VAV1: variants seen among roughly 807,000 people sequenced by gnomAD.
VAV1 encodes vav guanine nucleotide exchange factor 1, also known as proto-oncogene vav.
Under a neutral mutation model 128.1 loss-of-function variants are expected in VAV1, and 33 were observed. The ratio of observed to expected loss-of-function variants is 0.26; its 90% CI spans 0.20 to 0.34. The LOEUF (loss-of-function observed/expected upper bound fraction) is 0.34, where lower values mean the gene tolerates loss of function less well. Ranked by LOEUF, VAV1 falls within the 10% of genes least tolerant of loss-of-function variation. The probability of loss-of-function intolerance (pLI) is 1.00; values close to 1 mark genes in which losing one functional copy is unlikely to be tolerated. For missense variants in VAV1, 715 were observed against 1,093.7 expected (o/e 0.65, Z 4.88); for synonymous variants, 394 against 409.8 (o/e 0.96, Z 0.47).
At chr19:6,787,432 C>A (rs1002263680) in intron 1 of VAV1, among the ~76,000 whole-genome samples, 4 of 152,060 alleles carry the variant, frequency 2.6e-5, no homozygotes, top group African/African-American at 9.7e-5. Context: ...CCGCCTTGGC[C>A]TCCAAAAATG....
intron 24 of VAV1, among the ~76,000 whole-genome samples, chr19:6,852,587 G>T (rs1267113673): frequency 6.6e-6 from 1 of 151,700 alleles, no homozygotes; most frequent in Non-Finnish European, 1.5e-5. Context: ...TGGGCGTAGT[G>T]GCGGGCGCCT....
At chr19:6,856,400 G>T (rs940087656) in intron 26 of VAV1, among the ~76,000 whole-genome samples, 1 of 151,822 alleles carries the variant, frequency 6.6e-6, no homozygotes, top group Non-Finnish European at 1.5e-5. Context: ...TGAATCAGAC[G>T]GTGATATGTG....
chr19:6,781,765 G>A (rs560367102), intron 1 of VAV1, among the ~76,000 whole-genome samples: 26 of 152,160 alleles, frequency 1.7e-4, no homozygotes, highest in African/African-American at 6.0e-4. Flanking sequence ...GCGCCAAGAT[G>A]CCCAGCTAAT....
At chr19:6,805,897 G>T (rs1021926040) in intron 1 of VAV1, among the ~76,000 whole-genome samples, 1 of 152,052 alleles carries the variant, frequency 6.6e-6, no homozygotes, top group Non-Finnish European at 1.5e-5. Flanking sequence ...GGACTGCCCT[G>T]ATGGAAGTGT....
chr19:6,810,442 G>A (rs1971490646), intron 1 of VAV1, among the ~76,000 whole-genome samples: 1 of 152,178 alleles, frequency 6.6e-6, no homozygotes, highest in Admixed American at 6.5e-5. Context: ...AGTGGTTCAT[G>A]CCTTTAATCC....
At chr19:6,829,676 C>G in intron 13 of VAV1, 110 bp from the exon 14 acceptor site, 1 of 1,535,560 alleles carries the variant, frequency 6.5e-7, no homozygotes, top group Non-Finnish European at 8.8e-7. Flanking sequence ...CCAAGTTGGC[C>G]AAGGAGGAGG....
intron 1 of VAV1, among the ~76,000 whole-genome samples, chr19:6,797,570 A>G (rs1419744996): frequency 6.6e-6 from 1 of 150,580 alleles, no homozygotes; most frequent in African/African-American, 2.4e-5. Context: ...GGGCGTGGTG[A>G]CGCATGCCTG....
At chr19:6,840,430 C>T (rs571161929) in intron 21 of VAV1, among the ~76,000 whole-genome samples, 42 of 151,158 alleles carry the variant, frequency 2.8e-4, no homozygotes, top group African/African-American at 1.0e-3. Flanking sequence ...CTCAGCCTCC[C>T]GAGTAGCTGG....
At chr19:6,839,847 T>C (rs1455480555) in intron 21 of VAV1, among the ~76,000 whole-genome samples, 1 of 151,822 alleles carries the variant, frequency 6.6e-6, no homozygotes, top group Admixed American at 6.6e-5. Flanking sequence ...CATACCACCA[T>C]GCCTGGCTAA....
Position 6,777,085 on chromosome 19 carries a change from C to T in VAV1, c.204+4074C>T, listed in dbSNP as rs1383480345. Reference sequence around the variant, plus strand: ...TTCATCTATCTATCATCCACCTGCCCACCCACCCATCCATCCATCTACTCA... The same window carrying T: ...TTCATCTATCTATCATCCACCTGCCTACCCACCCATCCATCCATCTACTCA... On this transcript the variant is annotated intron_variant, in intron 1 of 26. Transcript: ENST00000602142. This position sits in a 1 kb window ranked among gnomAD's most constrained non-coding sequence, Gnocchi z 4.4. Among the ~76,000 whole-genome samples, 14 of 151,970 alleles carry T rather than the reference C, an allele frequency of 9.2e-5. No individual in the cohort carries two copies. The highest frequency in any genetic ancestry group is 9.2e-4 in the Admixed American group (14 of 15,242).
In VAV1 at chr19:6,833,970, T is replaced by G. The variant is rs1174257531; in HGVS notation, c.1777+17T>G. ...ATGAGCTGGGTGAGTTGGCAGGGGT[T>G]GCTGTGTGGGGGCAGGAGGAAAATT... On this transcript the variant is annotated intron_variant, in intron 19 of 26. Coordinates refer to ENST00000602142, the MANE Select transcript of VAV1 (RefSeq NM_005428.4). The G allele has an allele frequency of 6.2e-7, 1 of 1,614,012 alleles. No individual in the cohort carries two copies. The highest frequency in any genetic ancestry group is 2.2e-5 in the East Asian group (1 of 44,858).
At chr19:6,847,854 C>G (rs1051788150) in intron 22 of VAV1, 144 bp from the exon 23 acceptor site, 5 of 641,050 alleles carry the variant, frequency 7.8e-6, no homozygotes, top group Non-Finnish European at 1.2e-5. Context: ...CGGGGCCTAC[C>G]TTGGTGCTGA....
At chr19:6,812,038 T>C (rs573172491) in intron 1 of VAV1, among the ~76,000 whole-genome samples, 1 of 152,208 alleles carries the variant, frequency 6.6e-6, no homozygotes, top group Non-Finnish European at 1.5e-5. Context: ...AAAGTGATGC[T>C]TATGACAAAT....
intron 6 of VAV1, among the ~76,000 whole-genome samples, chr19:6,823,473 A>G (rs757767348): frequency 2.6e-5 from 4 of 151,030 alleles, no homozygotes; most frequent in African/African-American, 9.7e-5. Flanking sequence ...AGATATATAT[A>G]TAAAGTATGT....
Position 6,833,546 on chromosome 19 carries a change from C to A in VAV1, c.1629C>A (p.Gly543=). The change falls in exon 17 of 27, where the codon GGC becomes GGA. Residue 543 remains glycine, a synonymous_variant. Transcript: ENST00000602142. ...ATCTCAGAGGTACCTTCTATCAGGG[C>A]TACCGCTGCCATCGGTGCCGGGCAT... is the stretch of plus-strand genomic sequence containing the variant. ...QMLLRGTFYQ[G]YRCHRCRASA... 1 of 1,609,756 alleles carries A rather than the reference C, an allele frequency of 6.2e-7. No individual in the cohort carries two copies. Among genetic ancestry groups the A allele is most frequent in the Non-Finnish European group, 8.5e-7 (1 of 1,177,352 alleles).
chr19:6,854,178 G>GA, intron 26 of VAV1, 80 bp downstream of exon 26: 1 of 1,553,132 alleles, frequency 6.4e-7, no homozygotes, highest in Non-Finnish European at 8.7e-7. Flanking sequence ...GGGGACTGGA[G>GA]AAGGTGAGGT....
chr19:6,789,957 G>C (rs1435724099), intron 1 of VAV1, among the ~76,000 whole-genome samples: 1 of 152,084 alleles, frequency 6.6e-6, no homozygotes, highest in Non-Finnish European at 1.5e-5. Context: ...TGTAATCTCA[G>C]CACCTTGGGA....
intron 13 of VAV1, among the ~76,000 whole-genome samples, 193 bp from the exon 14 acceptor site, chr19:6,829,593 G>A (rs550117437): frequency 2.6e-3 from 399 of 152,280 alleles, no homozygotes; most frequent in African/African-American, 9.3e-3. Context: ...GGGTATGGGT[G>A]GAGCGAAGAC....
rs1389466051 is a variant in VAV1, at chr19:6,822,556, G to A, written c.654+42G>A. The A allele has an allele frequency of 2.0e-6, 3 of 1,529,030 alleles. No individual in the cohort carries two copies. Among genetic ancestry groups the A allele is most frequent in the Non-Finnish European group, 2.6e-6 (3 of 1,137,514 alleles). 94.7% of individuals were successfully genotyped at this position (1,529,030 alleles called of 1,614,324 possible). ...CAGCGCCTGCCGGGCGCATGCGCGG[G>A]AGCTGGGCCGGCAGGTGCACGTCCA... is the stretch of plus-strand genomic sequence containing the variant. On this transcript the variant is annotated intron_variant, in intron 6 of 26. Transcript: ENST00000602142. The surrounding 1 kb of genome is among the most constrained non-coding windows in gnomAD (Gnocchi z 5.9).
Sources: allele counts gnomAD v4.1 joint callset (sites outside exome capture counted in the v4.1 genomes callset), GRCh38; gene constraint gnomAD v4.1.1; non-coding constraint Gnocchi (gnomAD v3.1); transcripts MANE v1.5; gene names NCBI Gene and HGNC (gene_info 2026-07-23, HGNC 2026-07-21).